The following QTRT1 variants were observed in gnomAD, a reference collection of about 807,000 sequenced individuals.
The protein encoded by QTRT1 is queuine tRNA-ribosyltransferase catalytic subunit 1, also known as TGT, 43-KD subunit.
QTRT1 carries 41 observed loss-of-function variants against 44.0 expected under a neutral mutation model. That is an observed-to-expected ratio of 0.93 (90% CI 0.73 to 1.21). The LOEUF (loss-of-function observed/expected upper bound fraction) is 1.21, where lower values mean the gene tolerates loss of function less well. QTRT1 is among the 50% of genes most tolerant of loss of function. QTRT1 has a pLI of 0.00. For missense variants in QTRT1, 542 were observed against 575.8 expected, an observed-to-expected ratio of 0.94 and a Z score of 0.60; for synonymous variants, 226 against 237.1, an observed-to-expected ratio of 0.95 and a Z score of 0.43.
rs377022672 is a variant in QTRT1, at chr19:10,712,854, C to T, written c.958C>T (p.Pro320Ser). 1.7e-5 allele frequency: 28 copies of T among 1,613,744 alleles called. No individual in the cohort carries two copies. Among genetic ancestry groups the T allele is most frequent in the South Asian group, 8.8e-5 (8 of 91,084 alleles). Residue 320 changes from proline (P) to serine (S), a missense_variant, in exon 8 of 10, where the codon CCC (proline) becomes TCC (serine). Pro to Ser is a moderately conservative substitution (Grantham distance 74, BLOSUM62 -1). Coordinates refer to ENST00000250237, the MANE Select transcript of QTRT1 (RefSeq NM_031209.3). The surrounding 1 kb of genome is among the most constrained non-coding windows in gnomAD (Gnocchi z 5.6). ...CCCCATAGACCCGGAGTGCACCTGC[C>T]CCACGTGCCAAAAGTAGGCAGGATG... Reference protein sequence around the residue: ...FGPIDPECTCPTCQKHSRAFL... With the variant: ...FGPIDPECTCSTCQKHSRAFL...
Position 10,713,191 on chromosome 19 carries a change from G to C in QTRT1, c.1133G>C (p.Gly378Ala). 1 of 1,609,738 alleles carries C rather than the reference G, an allele frequency of 6.2e-7. No homozygotes were observed. Among genetic ancestry groups the C allele is most frequent in the Non-Finnish European group, 8.5e-7 (1 of 1,178,124 alleles). The change falls in exon 10 of 10, where the codon GGC becomes GCC. Residue 378 changes from glycine to alanine, a missense_variant. By Grantham distance (60) the Gly-to-Ala change is moderately conservative. Coordinates refer to ENST00000250237, the MANE Select transcript of QTRT1 (RefSeq NM_031209.3). This position sits in a 1 kb window ranked among gnomAD's most constrained non-coding sequence, Gnocchi z 4.3. Reference protein sequence around the residue: ...RFPDFVRDFMGAMYGDPTLCP... With the variant: ...RFPDFVRDFMAAMYGDPTLCP... ...CCGGACTTCGTGCGGGACTTCATGG[G>C]CGCCATGTACGGGGATCCCACCCTC...
At chr19:10,711,951 C>T (rs1889551937) in intron 5 of QTRT1, 2 of 629,726 alleles carry the variant, frequency 3.2e-6, no homozygotes, top group Middle Eastern at 4.2e-4. Flanking sequence ...GCAGTAGTCC[C>T]AGCCCCTAGA....
chr19:10,712,507 A>C lies in QTRT1; in HGVS notation c.786-46A>C. Reference sequence around the variant, plus strand: ...GTGAGGGTTGGGAGGGGCCCTGGGAAGCCCCTGAGGTTCTCTGCCCCCTCC... The same window carrying C: ...GTGAGGGTTGGGAGGGGCCCTGGGACGCCCCTGAGGTTCTCTGCCCCCTCC... On this transcript the variant is annotated intron_variant, in intron 6 of 9. Coordinates refer to ENST00000250237, the MANE Select transcript of QTRT1 (RefSeq NM_031209.3). This position sits in a 1 kb window ranked among gnomAD's most constrained non-coding sequence, Gnocchi z 5.6. 6.5e-7 allele frequency: 1 copy of C among 1,535,246 alleles called. No homozygotes were observed. The highest frequency in any genetic ancestry group is 9.0e-7 in the Non-Finnish European group (1 of 1,108,798).
chr19:10,703,823 A>C (rs1379771820), intron 3 of QTRT1, among the ~76,000 whole-genome samples: 1 of 150,104 alleles, frequency 6.7e-6, no homozygotes, highest in African/African-American at 2.5e-5. Flanking sequence ...CCGGCCTATA[A>C]GTTTATTTTT....
intron 3 of QTRT1, among the ~76,000 whole-genome samples, chr19:10,703,285 C>T (rs1427800205): frequency 6.6e-6 from 1 of 151,814 alleles, no homozygotes; most frequent in Non-Finnish European, 1.5e-5. Context: ...TGGTCTCAAA[C>T]TCCGGACCTC....
rs376471591 is a variant in QTRT1, at chr19:10,707,874, C to T, written c.646+259C>T. 4.6e-5 allele frequency among the ~76,000 whole-genome samples: 7 copies of T among 151,922 alleles called. No homozygotes were observed. In the South Asian group the frequency reaches 1.0e-3, roughly 23 times the overall value. On this transcript the variant is annotated intron_variant, in intron 5 of 9. Transcript: ENST00000250237. ...AGACGGAGTCTCAGGTGATCCACCC[C>T]CCTTGGCCTCCCAAAGTGCTGGGAT...
chr19:10,705,314 C>T (rs2068708412), intron 3 of QTRT1, among the ~76,000 whole-genome samples: 1 of 151,886 alleles, frequency 6.6e-6, no homozygotes, highest in African/African-American at 2.4e-5. Flanking sequence ...TGTTGGCTTA[C>T]TGCAACCTCT....
Position 10,713,159 on chromosome 19 carries a change from G to A in QTRT1, c.1101G>A (p.Lys367=). The change falls in exon 10 of 10, where the codon AAG becomes AAA. Residue 367 remains lysine (K), a synonymous_variant. Transcript: ENST00000250237. The surrounding 1 kb of genome is among the most constrained non-coding windows in gnomAD (Gnocchi z 4.3). ...MSAVRTSIVE[K]RFPDFVRDFM... Reference sequence around the variant, plus strand: ...CCGTCCGCACCAGCATCGTGGAGAAGCGCTTCCCGGACTTCGTGCGGGACT... The same window carrying A: ...CCGTCCGCACCAGCATCGTGGAGAAACGCTTCCCGGACTTCGTGCGGGACT... 6.2e-7 allele frequency: 1 copy of A among 1,609,314 alleles called. No homozygotes were observed. The highest frequency in any genetic ancestry group is 8.5e-7 in the Non-Finnish European group (1 of 1,177,944).
In QTRT1 at chr19:10,707,400, A is replaced by C. The variant is rs1230625259; in HGVS notation, c.530+20A>C. 1.2e-6 allele frequency: 2 copies of C among 1,612,940 alleles called. No homozygotes were observed. Among genetic ancestry groups the C allele is most frequent in the Non-Finnish European group, 1.7e-6 (2 of 1,179,082 alleles). On this transcript the variant is annotated intron_variant, in intron 4 of 9. Transcript: ENST00000250237. Reference sequence around the variant, plus strand: ...GTACAGGTGTGTATATGCTGTGTGCATGTGTGGGATATGTGGTGGGAGGGG... The same window carrying C: ...GTACAGGTGTGTATATGCTGTGTGCCTGTGTGGGATATGTGGTGGGAGGGG...
rs955052955 is a variant in QTRT1 at position 10,707,621 on chromosome 19, G to A, written c.646+6G>A. Reference sequence around the variant, plus strand: ...CCGGGCCACCTGCCTTGAAGGTAGAGCCATGCGCTGGCAGGCCCAGGGCTT... The same window carrying A: ...CCGGGCCACCTGCCTTGAAGGTAGAACCATGCGCTGGCAGGCCCAGGGCTT... On this transcript the variant is annotated splice_donor_region_variant and intron_variant, in intron 5 of 9. Transcript: ENST00000250237. 1 of 1,584,818 alleles carries A rather than the reference G, an allele frequency of 6.3e-7. No homozygotes were observed. The highest frequency in any genetic ancestry group is 2.2e-5 in the East Asian group (1 of 44,498).
chr19:10,702,132 A>C lies in QTRT1; in HGVS notation c.329A>C (p.Gln110Pro). ...HNLLTDSGGF[Q>P]MVSLVSLSEV... ...TTCCCTTAGGACAGCGGCGGTTTCC[A>C]GATGGTGTCGCTGGTGTCTCTGTCC... is the stretch of plus-strand genomic sequence containing the variant. Residue 110 changes from glutamine (Q) to proline (P), a missense_variant, in exon 3 of 10, where the codon CAG becomes CCG. Coordinates refer to ENST00000250237, the MANE Select transcript of QTRT1 (RefSeq NM_031209.3). The C allele has an allele frequency of 6.2e-7, 1 of 1,614,074 alleles. No individual in the cohort carries two copies. The highest frequency in any genetic ancestry group is 8.5e-7 in the Non-Finnish European group (1 of 1,180,012).
chr19:10,705,207 A>T lies in QTRT1; in HGVS notation c.452-2095A>T, dbSNP rs546753848. On this transcript the variant is annotated intron_variant, in intron 3 of 9. Coordinates refer to ENST00000250237, the MANE Select transcript of QTRT1 (RefSeq NM_031209.3). ...TGGGATTACAGGCGTGAGCCACCGC[A>T]CCCAGCCCCATATTTATTTTTTCGT... is the stretch of plus-strand genomic sequence containing the variant. Among the ~76,000 whole-genome samples, 25 of 140,892 alleles carry T rather than the reference A, an allele frequency of 1.8e-4. 1 individual carries two copies. The South Asian group carries it at 5.8e-3, about 32-fold the overall frequency. 92.4% of individuals were successfully genotyped at this position (140,892 alleles called of 152,430 possible).
rs1002009290 is a variant in QTRT1, at chr19:10,713,346, G to GT, written c.*84dup. 126 of 1,537,526 alleles carry GT rather than the reference G, an allele frequency of 8.2e-5. 1 individual carries two copies. The Admixed American group carries it at 9.4e-4, about 11-fold the overall frequency. On this transcript the variant is annotated 3_prime_UTR_variant, in exon 10 of 10. Coordinates refer to ENST00000250237, the MANE Select transcript of QTRT1 (RefSeq NM_031209.3). This position sits in a 1 kb window ranked among gnomAD's most constrained non-coding sequence, Gnocchi z 4.3. ...ATACTGAAGGATTCCTTTTTGAAAG[G>GT]TTTTTTTTATTGTAACTTACAGAGT...
intron 3 of QTRT1, among the ~76,000 whole-genome samples, chr19:10,703,007 G>A (rs1480321631): frequency 4.0e-5 from 6 of 149,190 alleles, no homozygotes; most frequent in African/African-American, 1.5e-4. Flanking sequence ...GAGCTCAGGT[G>A]ATCCGCCTGC....
intron 5 of QTRT1, among the ~76,000 whole-genome samples, chr19:10,710,474 G>A (rs992144760): frequency 4.6e-5 from 7 of 151,784 alleles, no homozygotes; most frequent in Admixed American, 2.6e-4. Flanking sequence ...CAGCCACCAC[G>A]CCTGGCCAAT....
Position 10,713,112 on chromosome 19 carries a change from C to T in QTRT1, c.1060-6C>T. The T allele has an allele frequency of 2.5e-6, 4 of 1,609,008 alleles. No homozygotes were observed. Among genetic ancestry groups the T allele is most frequent in the Non-Finnish European group, 3.4e-6 (4 of 1,179,392 alleles). ...TATGCCCCACGCTGACCTCCCCTCCCCGCAGCTGCAGCTCATGAGCGCCGT... is the reference window on the plus strand; with the variant it reads ...TATGCCCCACGCTGACCTCCCCTCCTCGCAGCTGCAGCTCATGAGCGCCGT... On this transcript the variant is annotated splice_region_variant and splice_polypyrimidine_tract_variant and intron_variant, in intron 9 of 9. Transcript: ENST00000250237. The surrounding 1 kb of genome is among the most constrained non-coding windows in gnomAD (Gnocchi z 4.3).
At chr19:10,702,759 CTTTTTT>C (rs34948949) in intron 3 of QTRT1, among the ~76,000 whole-genome samples, 2 of 68,482 alleles carry the variant, frequency 2.9e-5, no homozygotes, top group African/African-American at 5.5e-5. Context: ...CAATATCCTT[CTTTTTT>C]TTTTTTTTTT....
In QTRT1 at chr19:10,712,067, G is replaced by T. The variant is rs2068740923; in HGVS notation, c.647-94G>T. On this transcript the variant is annotated intron_variant, in intron 5 of 9. Coordinates refer to ENST00000250237, the MANE Select transcript of QTRT1 (RefSeq NM_031209.3). This position sits in a 1 kb window ranked among gnomAD's most constrained non-coding sequence, Gnocchi z 5.6. ...TGTCTGTTTCTCTGACTCTCTCCCT[G>T]AGCGACTCTGGAAGTCTGGGCAGGG... The T allele has an allele frequency of 2.0e-6, 3 of 1,515,208 alleles. No individual in the cohort carries two copies. The highest frequency in any genetic ancestry group is 1.1e-5 in the South Asian group (1 of 89,110). 93.9% of individuals were successfully genotyped at this position (1,515,208 alleles called of 1,614,324 possible).
chr19:10,707,389 A>G lies in QTRT1; in HGVS notation c.530+9A>G. ...GAGGAGGCCATGTACAGGTGTGTAT[A>G]TGCTGTGTGCATGTGTGGGATATGT... is the stretch of plus-strand genomic sequence containing the variant. On this transcript the variant is annotated intron_variant, in intron 4 of 9. Transcript: ENST00000250237. 6.2e-7 allele frequency: 1 copy of G among 1,613,416 alleles called. No individual in the cohort carries two copies. Among genetic ancestry groups the G allele is most frequent in the Non-Finnish European group, 8.5e-7 (1 of 1,179,486 alleles).
Sources: allele counts gnomAD v4.1 joint callset (sites outside exome capture counted in the v4.1 genomes callset), GRCh38; gene constraint gnomAD v4.1.1; non-coding constraint Gnocchi (gnomAD v3.1); transcripts MANE v1.5; gene names NCBI Gene and HGNC (gene_info 2026-07-23, HGNC 2026-07-21).